The following TENM2 variants were observed in gnomAD, a reference collection of about 807,000 sequenced individuals.
TENM2 encodes the protein teneurin transmembrane protein 2.
In TENM2, 52 loss-of-function variants were observed where a neutral mutation model predicts 245.2. That is an observed-to-expected ratio of 0.21 (90% CI 0.17 to 0.27). The LOEUF is 0.27. TENM2 is among the 10% of genes least tolerant of loss of function. TENM2 has a pLI of 1.00. For synonymous variants in TENM2, 1,363 were observed against 1,438.9 expected, an observed-to-expected ratio of 0.95 and a Z score of 1.19; for missense variants, 3,046 against 3,666.8, an observed-to-expected ratio of 0.83 and a Z score of 4.37.
the TENM2 span, among the ~76,000 whole-genome samples, chr5:167,225,079 A>G: frequency 6.6e-6 from 1 of 151,962 alleles, no homozygotes; most frequent in Admixed American, 6.6e-5. Flanking sequence ...CTAAATTTGT[A>G]TATCAGTTCT....
chr5:166,998,674 T>G, the TENM2 span, among the ~76,000 whole-genome samples: 8 of 152,172 alleles, frequency 5.3e-5, no homozygotes, highest in African/African-American at 1.9e-4. Context: ...CCTTAAGAGA[T>G]ATTCGTCAGC....
the TENM2 span, among the ~76,000 whole-genome samples, chr5:167,143,843 C>T: frequency 9.9e-5 from 15 of 152,142 alleles, no homozygotes; most frequent in Non-Finnish European, 1.6e-4. Context: ...CTTCACATTT[C>T]GCACTTGCTT....
chr5:168,260,564 G>A (rs1032224322), intron 28 of TENM2, among the ~76,000 whole-genome samples, 151 bp downstream of exon 30: 2 of 152,188 alleles, frequency 1.3e-5, no homozygotes, highest in African/African-American at 4.8e-5. Context: ...CCAGGAAAGC[G>A]AATGTCAGTG....
chr5:167,014,697 G>A, the TENM2 span, among the ~76,000 whole-genome samples: 6 of 152,260 alleles, frequency 3.9e-5, no homozygotes, highest in African/African-American at 1.4e-4. Context: ...AAGCAATAAA[G>A]GGAATTAAAC....
chr5:167,578,536 T>C (rs1774868495), intron 2 of TENM2, among the ~76,000 whole-genome samples: 1 of 152,228 alleles, frequency 6.6e-6, no homozygotes, highest in African/African-American at 2.4e-5. Flanking sequence ...ACCTTCACCA[T>C]TCGTTGGAGA....
chr5:167,947,705 T>C (rs1169356334), intron 3 of TENM2, among the ~76,000 whole-genome samples: 1 of 152,152 alleles, frequency 6.6e-6, no homozygotes, highest in Non-Finnish European at 1.5e-5. Flanking sequence ...GCTATTGAGA[T>C]GTAACTTGCC....
chr5:168,149,494 C>G (rs192389930), intron 12 of TENM2: 1 of 405,466 alleles, frequency 2.5e-6, no homozygotes, highest in East Asian at 8.0e-5. Context: ...AAAGCCTTCC[C>G]TTTCCGAGGC....
intron 1 of TENM2, among the ~76,000 whole-genome samples, chr5:167,331,630 G>T (rs1199758556): frequency 6.6e-6 from 1 of 152,174 alleles, no homozygotes; most frequent in East Asian, 1.9e-4. Context: ...TCTTCTGTTT[G>T]CAAGATATAT....
At chr5:167,862,365 C>T (rs1771900393) in intron 2 of TENM2, among the ~76,000 whole-genome samples, 1 of 152,168 alleles carries the variant, frequency 6.6e-6, no homozygotes, top group African/African-American at 2.4e-5. Context: ...CCACTAGGCT[C>T]CGTGAGTATC....
chr5:167,845,924 G>A lies in TENM2; in HGVS notation c.503-30062G>A, dbSNP rs1206706795. On this transcript the variant is annotated intron_variant, in intron 2 of 28. Coordinates refer to ENST00000518659, the Ensembl canonical transcript of TENM2. ...CAGCTGGCCCGACTGCTCCTACAGT[G>A]ACCTTTCCACTTAGCATTCTCTCAT... is the stretch of plus-strand genomic sequence containing the variant. Among the ~76,000 whole-genome samples, 3 of 152,288 alleles carry A rather than the reference G, an allele frequency of 2.0e-5. No individual in the cohort carries two copies. In the East Asian group the frequency reaches 5.8e-4, roughly 29 times the overall value.
chr5:167,878,568 C>A (rs1157988745), intron 3 of TENM2, among the ~76,000 whole-genome samples: 1 of 92,444 alleles, frequency 1.1e-5, no homozygotes, highest in Non-Finnish European at 2.4e-5. Context: ...TGCGTGTGCT[C>A]ACGTCTGTGT....
At chr5:167,276,589 A>G in the TENM2 span, among the ~76,000 whole-genome samples, 2 of 152,080 alleles carry the variant, frequency 1.3e-5, no homozygotes, top group African/African-American at 4.8e-5. Context: ...ATTACCTCTC[A>G]GCATCCACAG....
chr5:168,260,193 A>G, intron 27 of TENM2, 90 bp from the exon 30 acceptor site: 1 of 1,445,912 alleles, frequency 6.9e-7, no homozygotes, highest in Non-Finnish European at 9.6e-7. Flanking sequence ...ACACCCAACC[A>G]CCCATTTTAT....
intron 2 of TENM2, among the ~76,000 whole-genome samples, chr5:167,773,968 A>G (rs1353828306): frequency 1.3e-5 from 2 of 152,078 alleles, no homozygotes; most frequent in African/African-American, 2.4e-5. Flanking sequence ...CTGCAAACCA[A>G]AGCTGAAGGG....
At chr5:168,039,479 G>A (rs1787994303) in intron 5 of TENM2, among the ~76,000 whole-genome samples, 1 of 152,102 alleles carries the variant, frequency 6.6e-6, no homozygotes, top group Non-Finnish European at 1.5e-5. Flanking sequence ...AAAACCTACC[G>A]ATATTATCAT....
chr5:167,475,988 G>A (rs1450672880), intron 2 of TENM2, among the ~76,000 whole-genome samples: 1 of 151,858 alleles, frequency 6.6e-6, no homozygotes, highest in African/African-American at 2.4e-5. Flanking sequence ...GTAGAAAAAA[G>A]CATATAAATT....
the TENM2 span, among the ~76,000 whole-genome samples, chr5:167,237,428 T>C: frequency 6.6e-6 from 1 of 152,170 alleles, no homozygotes; most frequent in Non-Finnish European, 1.5e-5. Flanking sequence ...TGTATTGGAG[T>C]TGTTATTGAC....
intron 2 of TENM2, among the ~76,000 whole-genome samples, chr5:167,638,184 C>A (rs1288476295): frequency 1.3e-5 from 2 of 151,290 alleles, no homozygotes; most frequent in Non-Finnish European, 2.9e-5. Flanking sequence ...CATTCATTCA[C>A]ACTGGAAAAT....
chr5:167,925,674 A>G (rs148108651), intron 3 of TENM2, among the ~76,000 whole-genome samples: 3 of 152,350 alleles, frequency 2.0e-5, no homozygotes, highest in East Asian at 3.9e-4. Context: ...TCGCAGCACT[A>G]TTCACAATAC....
Sources: gnomAD v4.1 joint callset for allele counts (sites outside exome capture counted in the v4.1 genomes callset) on GRCh38, gnomAD v4.1.1 for gene constraint, MANE v1.5 for transcripts, NCBI Gene and HGNC (gene_info 2026-07-23, HGNC 2026-07-21) for gene names.